The following SOX5 variants were observed in gnomAD, a reference collection of about 807,000 sequenced individuals.
SOX5 encodes SRY-box transcription factor 5.
Under a neutral mutation model 92.0 loss-of-function variants are expected in SOX5, and 9 were observed. The ratio of observed to expected loss-of-function variants is 0.10; its 90% CI spans 0.06 to 0.17. The LOEUF is 0.17. Among genes scored for constraint, SOX5 ranks in the 10% least tolerant of loss-of-function variants. The pLI, the probability that SOX5 is intolerant of heterozygous loss-of-function variation, is 1.00. For synonymous variants in SOX5, 344 were observed against 336.3 expected (o/e 1.02, Z -0.25); for missense variants, 642 against 944.5 (o/e 0.68, Z 4.20).
chr12:24,107,540 C>G (rs935729144), intron 4 of SOX5, among the ~76,000 whole-genome samples: 1 of 152,100 alleles, frequency 6.6e-6, no homozygotes, highest in African/African-American at 2.4e-5. Context: ...CTTCTTGAAA[C>G]AAACAAACAA....
intron 4 of SOX5, among the ~76,000 whole-genome samples, chr12:24,011,458 AT>A (rs1329211057): frequency 6.6e-6 from 1 of 152,162 alleles, no homozygotes; most frequent in Non-Finnish European, 1.5e-5. Flanking sequence ...TTCTTTCCTA[AT>A]TCTCTCCCTT....
intron 1 of SOX5, among the ~76,000 whole-genome samples, chr12:23,922,854 T>C (rs77880118): frequency 0.011 from 1,676 of 152,212 alleles, 49 homozygotes; most frequent in African/African-American, 0.037. Context: ...GAAAAACAAC[T>C]GGTAAACATA....
At chr12:23,578,075 G>A (rs1007165909) in intron 9 of SOX5, among the ~76,000 whole-genome samples, 9 of 119,556 alleles carry the variant, frequency 7.5e-5, no homozygotes, top group Admixed American at 1.1e-4. Context: ...GAGTTAGATC[G>A]TGCCACTGCA....
At chr12:23,897,818 A>G (rs1472181452) in intron 1 of SOX5, among the ~76,000 whole-genome samples, 1 of 152,188 alleles carries the variant, frequency 6.6e-6, no homozygotes, top group Non-Finnish European at 1.5e-5. Flanking sequence ...CAGCCAAAGA[A>G]ACAGACAAAG....
At chr12:24,033,800 T>C (rs1419450272) in intron 4 of SOX5, among the ~76,000 whole-genome samples, 5 of 152,096 alleles carry the variant, frequency 3.3e-5, no homozygotes, top group Non-Finnish European at 7.4e-5. Context: ...TTACTGCTAA[T>C]AGCACAGTTG....
At chr12:24,232,233 C>A (rs1468809632) in intron 3 of SOX5, among the ~76,000 whole-genome samples, 1 of 152,104 alleles carries the variant, frequency 6.6e-6, no homozygotes, top group Non-Finnish European at 1.5e-5. Context: ...GTTTATGTAA[C>A]ATTCTATTCA....
At chr12:24,099,887 G>C (rs1056708677) in intron 4 of SOX5, among the ~76,000 whole-genome samples, 2 of 152,184 alleles carry the variant, frequency 1.3e-5, no homozygotes, top group African/African-American at 4.8e-5. Flanking sequence ...TGTAAATCTT[G>C]TCTCTTATCT....
At chr12:23,592,569 G>A (rs1206691659) in intron 9 of SOX5, among the ~76,000 whole-genome samples, 2 of 152,104 alleles carry the variant, frequency 1.3e-5, no homozygotes, top group Non-Finnish European at 2.9e-5. Flanking sequence ...TATGACTTGG[G>A]TTTCGACAAA....
intron 2 of SOX5, among the ~76,000 whole-genome samples, chr12:24,353,505 C>T (rs766145720): frequency 6.6e-6 from 1 of 151,968 alleles, no homozygotes; most frequent in Non-Finnish European, 1.5e-5. Context: ...AAAGAGAATG[C>T]AAAGTGAGGG....
chr12:24,527,015 C>T (rs1950773037), intron 1 of SOX5, among the ~76,000 whole-genome samples: 2 of 152,052 alleles, frequency 1.3e-5, no homozygotes, highest in South Asian at 2.1e-4. Flanking sequence ...TGCTCTCAAA[C>T]TCCTGGGCTC....
chr12:23,705,969 CTT>C (rs561901229), intron 6 of SOX5, among the ~76,000 whole-genome samples: 1 of 145,416 alleles, frequency 6.9e-6, no homozygotes, highest in South Asian at 2.2e-4. Context: ...CATTTAACAT[CTT>C]TTTTTTTTTT....
intron 6 of SOX5, among the ~76,000 whole-genome samples, chr12:23,715,616 T>G (rs774534705): frequency 7.9e-5 from 12 of 152,114 alleles, no homozygotes; most frequent in Non-Finnish European, 1.5e-4. Flanking sequence ...CATTAGTAGT[T>G]ATCCACTAAA....
chr12:24,453,922 G>A (rs1448665897), intron 1 of SOX5, among the ~76,000 whole-genome samples: 1 of 152,166 alleles, frequency 6.6e-6, no homozygotes, highest in Admixed American at 6.5e-5. Flanking sequence ...AAGGCCGAGT[G>A]TTTCCATTTT....
At chr12:23,839,352 TA>T (rs1277002256) in intron 3 of SOX5, among the ~76,000 whole-genome samples, 9 of 152,130 alleles carry the variant, frequency 5.9e-5, no homozygotes, top group Non-Finnish European at 8.8e-5. Context: ...GAACATCATC[TA>T]AAGCTGAGCC....
intron 4 of SOX5, among the ~76,000 whole-genome samples, chr12:24,126,940 A>T (rs1427627321): frequency 6.6e-6 from 1 of 152,204 alleles, no homozygotes. Flanking sequence ...TCATCTTAAA[A>T]GGCTTCTTAG....
intron 8 of SOX5, among the ~76,000 whole-genome samples, chr12:23,623,781 C>A (rs1047513048): frequency 6.6e-6 from 1 of 151,970 alleles, no homozygotes; most frequent in South Asian, 2.1e-4. Context: ...GGATAACAAT[C>A]ATAAAAAAAG....
At chr12:24,331,908 A>C (rs1010726762) in intron 2 of SOX5, among the ~76,000 whole-genome samples, 7 of 143,686 alleles carry the variant, frequency 4.9e-5, no homozygotes, top group African/African-American at 1.9e-4. Context: ...CACTGAAAAA[A>C]GGTGAAATTA....
intron 4 of SOX5, among the ~76,000 whole-genome samples, chr12:24,030,193 G>T (rs776844457): frequency 4.0e-5 from 6 of 151,564 alleles, no homozygotes; most frequent in Non-Finnish European, 8.8e-5. Flanking sequence ...CTATTTTTTT[G>T]ATAGTTCACT....
chr12:24,305,998 G>A (rs144831269), intron 2 of SOX5, among the ~76,000 whole-genome samples: 5 of 152,336 alleles, frequency 3.3e-5, no homozygotes, highest in Non-Finnish European at 5.9e-5. Flanking sequence ...TTCCTGCAAA[G>A]GGATGGGTTC....
Sources: gnomAD v4.1 joint callset for allele counts (sites outside exome capture counted in the v4.1 genomes callset) on GRCh38, gnomAD v4.1.1 for gene constraint, MANE v1.5 for transcripts, NCBI Gene and HGNC (gene_info 2026-07-23, HGNC 2026-07-21) for gene names.